The following KCNIP4 variants were observed in gnomAD, a reference collection of about 807,000 sequenced individuals.
The protein encoded by KCNIP4 is potassium voltage-gated channel interacting protein 4.
Under a neutral mutation model 34.0 loss-of-function variants are expected in KCNIP4, and 12 were observed. The ratio of observed to expected loss-of-function variants is 0.35; its 90% CI spans 0.23 to 0.57. KCNIP4 has a LOEUF of 0.57. KCNIP4 is among the 20% of genes least tolerant of loss of function. The pLI is 0.83. For missense variants in KCNIP4, 238 were observed against 311.7 expected (o/e 0.76, Z 1.78); for synonymous variants, 124 against 102.2 (o/e 1.21, Z -1.29).
At chr4:21,192,940 C>A (rs62295287) in intron 1 of KCNIP4, among the ~76,000 whole-genome samples, 62,934 of 144,826 alleles carry the variant, frequency 0.43, 16,149 homozygotes, top group African/African-American at 0.72. Context: ...ACTACTACTA[C>A]TACTACTACT....
chr4:21,362,353 G>A (rs984940405), intron 1 of KCNIP4, among the ~76,000 whole-genome samples: 2 of 152,082 alleles, frequency 1.3e-5, no homozygotes, highest in African/African-American at 4.8e-5. Context: ...TCCTGACCCA[G>A]AACTTGCCAT....
At chr4:21,658,701 C>T (rs1347712060) in intron 1 of KCNIP4, among the ~76,000 whole-genome samples, 1 of 152,100 alleles carries the variant, frequency 6.6e-6, no homozygotes, top group Non-Finnish European at 1.5e-5. Flanking sequence ...GCGCCAGGCC[C>T]ACATAGTGCA....
At chr4:20,931,176 T>TACACAC (rs113547133) in intron 1 of KCNIP4, among the ~76,000 whole-genome samples, 37 of 149,124 alleles carry the variant, frequency 2.5e-4, no homozygotes, top group Admixed American at 7.3e-4. Flanking sequence ...GACAATGTGG[T>TACACAC]ACACACACAC....
chr4:21,697,143 C>T (rs186943955), intron 1 of KCNIP4, among the ~76,000 whole-genome samples: 3 of 151,874 alleles, frequency 2.0e-5, no homozygotes, highest in African/African-American at 7.2e-5. Flanking sequence ...AAAAAAAATA[C>T]ATCCATAGAA....
At chr4:21,485,053 T>C (rs1429932276) in intron 1 of KCNIP4, among the ~76,000 whole-genome samples, 1 of 152,156 alleles carries the variant, frequency 6.6e-6, no homozygotes, top group Non-Finnish European at 1.5e-5. Context: ...TTGTTAAACT[T>C]TTACTGGAGG....
rs112716485 is a variant in KCNIP4, at chr4:20,989,026, A to C, written c.62-106317T>G. On this transcript the variant is annotated intron_variant, in intron 1 of 8. Coordinates refer to ENST00000382152, the MANE Select transcript of KCNIP4 (RefSeq NM_025221.6). ...CCACAATTTACCACCCTAGAAGCCC[A>C]AATCCTTTTTTCTTTGTCTTGTCAC... 4.2e-3 allele frequency among the ~76,000 whole-genome samples: 640 copies of C among 152,326 alleles called. 4 individuals are homozygous for C. Among genetic ancestry groups the C allele is most frequent in the African/African-American group, 0.015 (612 of 41,586 alleles).
At chr4:21,531,361 C>CTCCCTCCT (rs1354332195) in intron 1 of KCNIP4, among the ~76,000 whole-genome samples, 1 of 132,744 alleles carries the variant, frequency 7.5e-6, no homozygotes. Context: ...CCCTCCCTCC[C>CTCCCTCCT]TCCCTCCCTT....
chr4:21,071,030 T>C (rs961836936), intron 1 of KCNIP4, among the ~76,000 whole-genome samples: 1 of 152,076 alleles, frequency 6.6e-6, no homozygotes, highest in African/African-American at 2.4e-5. Flanking sequence ...AGATATGTAG[T>C]TTATCAATAT....
intron 3 of KCNIP4, among the ~76,000 whole-genome samples, chr4:20,784,686 G>A (rs1025234474): frequency 1.3e-5 from 2 of 151,904 alleles, no homozygotes; most frequent in Admixed American, 1.3e-4. Context: ...GTTATGGAAT[G>A]TGTAGGGTGG....
intron 1 of KCNIP4, among the ~76,000 whole-genome samples, chr4:21,624,779 C>T (rs1208549344): frequency 3.9e-5 from 6 of 152,158 alleles, no homozygotes; most frequent in South Asian, 2.1e-4. Flanking sequence ...GACTCTTTGA[C>T]GCCGTAAATT....
intron 1 of KCNIP4, among the ~76,000 whole-genome samples, chr4:21,279,184 G>A (rs975119333): frequency 1.3e-5 from 2 of 152,102 alleles, no homozygotes; most frequent in Admixed American, 6.5e-5. Context: ...TACTTATTTT[G>A]CATCAACGTA....
chr4:21,769,134 C>T (rs1718612425), intron 1 of KCNIP4, among the ~76,000 whole-genome samples: 1 of 151,854 alleles, frequency 6.6e-6, no homozygotes, highest in African/African-American at 2.4e-5. Context: ...TATAAAAGTG[C>T]TACTCTCTCC....
intron 1 of KCNIP4, among the ~76,000 whole-genome samples, chr4:21,045,365 T>C (rs1175031398): frequency 6.6e-6 from 1 of 152,232 alleles, no homozygotes; most frequent in Non-Finnish European, 1.5e-5. Context: ...ATGATGCTAA[T>C]TTTGCTGGTG....
At chr4:20,779,183 C>T (rs1262645270) in intron 3 of KCNIP4, among the ~76,000 whole-genome samples, 1 of 152,142 alleles carries the variant, frequency 6.6e-6, no homozygotes, top group Admixed American at 6.6e-5. Context: ...TAATTAAGCA[C>T]TGTGGTTTTG....
intron 1 of KCNIP4, among the ~76,000 whole-genome samples, chr4:20,938,729 A>C (rs11939242): frequency 0.13 from 19,994 of 152,160 alleles, 1,838 homozygotes; most frequent in African/African-American, 0.27. Flanking sequence ...GAAAACAAAG[A>C]AACAACACCT....
rs771700172 is a variant in KCNIP4, at chr4:20,789,550, T to C, written c.289-30660A>G. Among the ~76,000 whole-genome samples, 47 of 152,234 alleles carry C rather than the reference T, an allele frequency of 3.1e-4. 1 individual carries two copies. The highest frequency in any genetic ancestry group is 2.0e-3 in the Admixed American group (31 of 15,268). On this transcript the variant is annotated intron_variant, in intron 3 of 8. Coordinates refer to ENST00000382152, the MANE Select transcript of KCNIP4 (RefSeq NM_025221.6). ...GAATCTATGCCCTTGGGCAGTCCAC[T>C]TCCATATCTATGCTGGGCTTGGCCC...
intron 1 of KCNIP4, among the ~76,000 whole-genome samples, chr4:21,655,860 T>C (rs1747881643): frequency 6.6e-6 from 1 of 152,244 alleles, no homozygotes; most frequent in African/African-American, 2.4e-5. Context: ...TTGATTATTA[T>C]GAATGGGATG....
intron 1 of KCNIP4, among the ~76,000 whole-genome samples, chr4:21,816,242 T>C (rs1721980826): frequency 6.6e-6 from 1 of 152,214 alleles, no homozygotes; most frequent in South Asian, 2.1e-4. Context: ...AATGCTGTTA[T>C]ACAAAACATG....
chr4:21,620,274 G>A (rs933655398), intron 1 of KCNIP4, among the ~76,000 whole-genome samples: 11 of 152,158 alleles, frequency 7.2e-5, no homozygotes, highest in Admixed American at 7.2e-4. Context: ...AGGCCAAGGT[G>A]GGCAGATCAC....
Sources: gnomAD v4.1 joint callset for allele counts (sites outside exome capture counted in the v4.1 genomes callset) on GRCh38, gnomAD v4.1.1 for gene constraint, MANE v1.5 for transcripts, NCBI Gene and HGNC (gene_info 2026-07-23, HGNC 2026-07-21) for gene names.